Variants in RALGPS1 observed in about 807,000 individuals in gnomAD.
The protein encoded by RALGPS1 is Ral GEF with PH domain and SH3 binding motif 1, also known as ras-specific guanine nucleotide-releasing factor RalGPS1.
RALGPS1 carries 19 observed loss-of-function variants against 78.8 expected under a neutral mutation model. That is an observed-to-expected ratio of 0.24 (90% CI 0.17 to 0.35). The LOEUF is 0.35. RALGPS1 is among the 10% of genes least tolerant of loss of function. The pLI, the probability that RALGPS1 is intolerant of heterozygous loss-of-function variation, is 1.00. For synonymous variants in RALGPS1, 228 were observed against 256.3 expected, an observed-to-expected ratio of 0.89 and a Z score of 1.06; for missense variants, 454 against 688.3, an observed-to-expected ratio of 0.66 and a Z score of 3.81.
chr9:127,099,663 A>C (rs1391955895), intron 8 of RALGPS1, among the ~76,000 whole-genome samples: 1 of 152,238 alleles, frequency 6.6e-6, no homozygotes, highest in Non-Finnish European at 1.5e-5. Context: ...AGGCTTGGCA[A>C]AATAAGATTC....
chr9:127,220,008 C>T lies in RALGPS1; in HGVS notation c.*1239C>T, dbSNP rs2062732292. 6.5e-6 allele frequency: 1 copy of T among 152,678 alleles called. No homozygotes were observed. Among genetic ancestry groups the T allele is most frequent in the Non-Finnish European group, 1.5e-5 (1 of 68,038 alleles). The allele number at this position is 152,678 out of a possible 1,614,324, so 9.5% of individuals were successfully genotyped here. ...CCTCTGCATTCAGTTAGGAGCTCTT[C>T]ACATGAATCACATCCTTATCTGTCA... is the stretch of plus-strand genomic sequence containing the variant. On this transcript the variant is annotated 3_prime_UTR_variant, in exon 19 of 19. Coordinates refer to ENST00000259351, the MANE Select transcript of RALGPS1 (RefSeq NM_014636.3).
At chr9:127,162,566 T>C (rs977418154) in intron 8 of RALGPS1, among the ~76,000 whole-genome samples, 2 of 152,156 alleles carry the variant, frequency 1.3e-5, no homozygotes, top group African/African-American at 4.8e-5. Flanking sequence ...TCTCCCCACA[T>C]CACTGGAGCC....
At chr9:127,079,516 C>T (rs2050983367) in intron 8 of RALGPS1, 1 of 152,158 alleles carries the variant, frequency 6.6e-6, no homozygotes, top group Admixed American at 6.5e-5. Flanking sequence ...ATGGGATGTC[C>T]CTTCCAAGAT....
At chr9:126,920,454 A>G (rs1174861068) in intron 1 of RALGPS1, among the ~76,000 whole-genome samples, 5 of 152,166 alleles carry the variant, frequency 3.3e-5, no homozygotes, top group African/African-American at 1.2e-4. Context: ...AAAATGGACA[A>G]GTCTGGAATG....
intron 1 of RALGPS1, among the ~76,000 whole-genome samples, chr9:126,955,738 G>T (rs145373420): frequency 6.6e-6 from 1 of 152,202 alleles, no homozygotes; most frequent in African/African-American, 2.4e-5. Flanking sequence ...ACAGAAAATC[G>T]TTAGCAACTG....
At chr9:127,123,174 A>G (rs537007193) in intron 8 of RALGPS1, among the ~76,000 whole-genome samples, 11 of 152,290 alleles carry the variant, frequency 7.2e-5, no homozygotes, top group African/African-American at 2.6e-4. Flanking sequence ...CCTCATTCTC[A>G]TCTCTAAACC....
chr9:127,040,334 G>A lies in RALGPS1; in HGVS notation c.300+5820G>A, dbSNP rs367792413. On this transcript the variant is annotated intron_variant, in intron 5 of 18. Coordinates refer to ENST00000259351, the MANE Select transcript of RALGPS1 (RefSeq NM_014636.3). The stretch of plus-strand genomic sequence containing the variant: ...GAGAATCACTTGCACTCGAGGGGGC[G>A]GAGGTTGCAGTGAGCCGAGATCTCA... Among the ~76,000 whole-genome samples, 30 of 150,762 alleles carry A rather than the reference G, an allele frequency of 2.0e-4. No individual in the cohort carries two copies. In the South Asian group the frequency reaches 5.9e-3, roughly 30 times the overall value.
chr9:127,081,868 A>G (rs2051207392), intron 8 of RALGPS1, among the ~76,000 whole-genome samples: 1 of 152,206 alleles, frequency 6.6e-6, no homozygotes, highest in Non-Finnish European at 1.5e-5. Flanking sequence ...GAGGTGCCGC[A>G]TGTGGCAGCG....
intron 8 of RALGPS1, among the ~76,000 whole-genome samples, chr9:127,112,504 G>A (rs1398834208): frequency 1.3e-5 from 2 of 152,156 alleles, no homozygotes; most frequent in African/African-American, 4.8e-5. Flanking sequence ...GCAAGACAAG[G>A]TTGGTTTCCA....
chr9:127,214,650 T>A, intron 17 of RALGPS1, 101 bp from the exon 18 acceptor site: 1 of 1,505,188 alleles, frequency 6.6e-7, no homozygotes, highest in South Asian at 1.4e-5. Context: ...GGGCCGACCT[T>A]CCCACTTTAG....
chr9:126,951,210 T>C (rs1278835756), intron 1 of RALGPS1, among the ~76,000 whole-genome samples: 2 of 149,336 alleles, frequency 1.3e-5, no homozygotes, highest in African/African-American at 4.9e-5. Context: ...CAGGACCAGA[T>C]GGATTCACAG....
chr9:126,981,075 T>G (rs546425416), intron 4 of RALGPS1, among the ~76,000 whole-genome samples: 83 of 152,344 alleles, frequency 5.4e-4, no homozygotes, highest in African/African-American at 1.8e-3. Context: ...CCCATCATGC[T>G]GTTTGCCAAC....
At chr9:127,209,001 A>G in intron 14 of RALGPS1, among the ~76,000 whole-genome samples, 1 of 152,234 alleles carries the variant, frequency 6.6e-6, no homozygotes, top group Non-Finnish European at 1.5e-5. Context: ...CAAAGGGGCC[A>G]GAGGGCCCTG....
chr9:127,051,042 A>T (rs1426131417), intron 6 of RALGPS1, among the ~76,000 whole-genome samples: 3 of 152,240 alleles, frequency 2.0e-5, no homozygotes, highest in African/African-American at 7.2e-5. Context: ...GGTGGGCAGG[A>T]ATCGGAGTCG....
chr9:127,197,732 C>T (rs1372262680), intron 13 of RALGPS1, among the ~76,000 whole-genome samples: 1 of 152,122 alleles, frequency 6.6e-6, no homozygotes, highest in African/African-American at 2.4e-5. Context: ...TCCGGGGTTA[C>T]GAGGTGTGCC....
At chr9:127,143,952 T>C (rs1458313446) in intron 8 of RALGPS1, among the ~76,000 whole-genome samples, 1 of 152,194 alleles carries the variant, frequency 6.6e-6, no homozygotes, top group Non-Finnish European at 1.5e-5. Flanking sequence ...CCTGGGGAGT[T>C]GGCCACAAGC....
intron 7 of RALGPS1, among the ~76,000 whole-genome samples, chr9:127,061,468 C>T (rs1564507520): frequency 1.3e-5 from 2 of 152,242 alleles, no homozygotes; most frequent in East Asian, 3.8e-4. Flanking sequence ...CCTATGGCAT[C>T]CAAATGGCCA....
intron 7 of RALGPS1, among the ~76,000 whole-genome samples, chr9:127,065,827 T>C (rs2049639881): frequency 6.6e-6 from 1 of 152,238 alleles, no homozygotes; most frequent in Non-Finnish European, 1.5e-5. Flanking sequence ...CATGTCTTAC[T>C]AATTCCTGGC....
At chr9:127,198,622 G>A (rs149449081) in intron 13 of RALGPS1, among the ~76,000 whole-genome samples, 50 of 152,304 alleles carry the variant, frequency 3.3e-4, no homozygotes, top group Admixed American at 2.3e-3. Context: ...CTGACCCTTG[G>A]GGAAGAGGAA....
Sources: gnomAD v4.1 joint callset for allele counts (sites outside exome capture counted in the v4.1 genomes callset) on GRCh38, gnomAD v4.1.1 for gene constraint, MANE v1.5 for transcripts, NCBI Gene and HGNC (gene_info 2026-07-23, HGNC 2026-07-21) for gene names.